STK32B: variants seen among roughly 807,000 people sequenced by gnomAD.
STK32B encodes the protein serine/threonine kinase 32B, also known as serine/threonine-protein kinase 32B.
Under a neutral mutation model 52.6 loss-of-function variants are expected in STK32B, and 43 were observed. That is an observed-to-expected ratio of 0.82 (90% CI 0.64 to 1.05). The LOEUF is 1.05. STK32B is among the 50% of genes least tolerant of loss of function. The pLI, the probability that STK32B is intolerant of heterozygous loss-of-function variation, is 0.00. For synonymous variants in STK32B, 238 were observed against 204.3 expected (o/e 1.17, Z -1.41); for missense variants, 621 against 534.6 (o/e 1.16, Z -1.59).
intron 3 of STK32B, among the ~76,000 whole-genome samples, chr4:5,310,652 A>C (rs944836877): frequency 6.6e-6 from 1 of 152,188 alleles, no homozygotes; most frequent in African/African-American, 2.4e-5. Context: ...ATAGAAAAAA[A>C]ATGAACTATC....
intron 3 of STK32B, among the ~76,000 whole-genome samples, chr4:5,309,446 A>T (rs1730144977): frequency 6.6e-6 from 1 of 152,226 alleles, no homozygotes; most frequent in South Asian, 2.1e-4. Context: ...CTGAGCAAAA[A>T]GAACAAGGTT....
At chr4:5,307,563 T>G (rs1435082436) in intron 3 of STK32B, among the ~76,000 whole-genome samples, 1 of 151,890 alleles carries the variant, frequency 6.6e-6, no homozygotes, top group Non-Finnish European at 1.5e-5. Context: ...TTTTTTTTTT[T>G]TAGGTTGAAC....
chr4:5,419,924 T>C (rs886925520), intron 6 of STK32B, among the ~76,000 whole-genome samples: 1 of 152,224 alleles, frequency 6.6e-6, no homozygotes, highest in Non-Finnish European at 1.5e-5. Flanking sequence ...GTATAAATAA[T>C]AGGCAACTTG....
chr4:5,367,829 C>T (rs962565141), intron 4 of STK32B, among the ~76,000 whole-genome samples: 3 of 152,156 alleles, frequency 2.0e-5, no homozygotes, highest in African/African-American at 7.2e-5. Context: ...TTCCAGAAAA[C>T]TTTAATAATT....
intron 3 of STK32B, among the ~76,000 whole-genome samples, chr4:5,195,174 A>C (rs1278716588): frequency 6.6e-6 from 1 of 152,158 alleles, no homozygotes; most frequent in Non-Finnish European, 1.5e-5. Context: ...TCCTGGGCTC[A>C]AGCAGTCCTC....
At chr4:5,111,287 A>G (rs765903689) in intron 1 of STK32B, among the ~76,000 whole-genome samples, 6 of 152,186 alleles carry the variant, frequency 3.9e-5, no homozygotes, top group Non-Finnish European at 8.8e-5. Flanking sequence ...AAAATAAATT[A>G]TTACACAAAA....
At chr4:5,218,034 G>A (rs1330525082) in intron 3 of STK32B, among the ~76,000 whole-genome samples, 1 of 152,030 alleles carries the variant, frequency 6.6e-6, no homozygotes, top group South Asian at 2.1e-4. Flanking sequence ...TTTCCTGTAT[G>A]ATGTATCAGT....
Position 5,101,144 on chromosome 4 carries a change from A to G in STK32B, c.53-38761A>G, listed in dbSNP as rs538431817. ...AGCTGCTCTCAAACTCCTGCCCTCA[A>G]GCAATGCTCCTGCCTCAGCCTCCCA... On this transcript the variant is annotated intron_variant, in intron 1 of 11. Coordinates refer to ENST00000282908, the MANE Select transcript of STK32B (RefSeq NM_018401.3). Among the ~76,000 whole-genome samples, 6 of 152,286 alleles carry G rather than the reference A, an allele frequency of 3.9e-5. No individual in the cohort carries two copies. In the East Asian group the frequency reaches 1.2e-3, roughly 29 times the overall value.
intron 3 of STK32B, among the ~76,000 whole-genome samples, chr4:5,278,827 A>G (rs2108867580): frequency 6.6e-6 from 1 of 152,278 alleles, no homozygotes; most frequent in East Asian, 1.9e-4. Flanking sequence ...GGAAGCAGGA[A>G]CAATCTTCAC....
intron 11 of STK32B, among the ~76,000 whole-genome samples, chr4:5,483,843 G>A (rs1201969783): frequency 6.6e-6 from 1 of 152,034 alleles, no homozygotes; most frequent in South Asian, 2.1e-4. Context: ...ATTTCGTTGT[G>A]TACCCAGCAG....
intron 3 of STK32B, among the ~76,000 whole-genome samples, chr4:5,262,494 G>A (rs940190896): frequency 1.3e-5 from 2 of 151,786 alleles, no homozygotes; most frequent in Non-Finnish European, 2.9e-5. Flanking sequence ...CCGTGGTGGC[G>A]GGCGCCTGTA....
chr4:5,450,775 G>T (rs935466493), intron 7 of STK32B, among the ~76,000 whole-genome samples: 1 of 152,182 alleles, frequency 6.6e-6, no homozygotes, highest in Non-Finnish European at 1.5e-5. Flanking sequence ...ATGAATGGCT[G>T]GCACTCAGGA....
intron 3 of STK32B, among the ~76,000 whole-genome samples, chr4:5,322,046 T>C (rs1194487522): frequency 1.2e-5 from 1 of 82,786 alleles, no homozygotes; most frequent in African/African-American, 5.4e-5. Flanking sequence ...GGTGGGGGGT[T>C]GGGCTGGCTG....
intron 1 of STK32B, among the ~76,000 whole-genome samples, chr4:5,096,328 T>C (rs1713390052): frequency 6.6e-6 from 1 of 152,162 alleles, no homozygotes; most frequent in Non-Finnish European, 1.5e-5. Flanking sequence ...TAATAAAATA[T>C]TCTCTCCTCT....
In STK32B at chr4:5,317,260, A is replaced by AT. The variant is rs1334093131; in HGVS notation, c.261-13960_261-13959insT. 9.0e-5 allele frequency among the ~76,000 whole-genome samples: 3 copies of AT among 33,384 alleles called. 1 individual carries two copies. Among genetic ancestry groups the AT allele is most frequent in the African/African-American group, 6.1e-4 (3 of 4,922 alleles). The allele number at this position is 33,384 out of a possible 152,430, so 21.9% of individuals were successfully genotyped here. On this transcript the variant is annotated intron_variant, in intron 3 of 11. Coordinates refer to ENST00000282908, the MANE Select transcript of STK32B (RefSeq NM_018401.3). ...ATATATATATTATATATAACATATAACATATATATAATATATAACATATAA... is the reference window on the plus strand; with the variant it reads ...ATATATATATTATATATAACATATAATCATATATATAATATATAACATATAA...
At chr4:5,267,568 A>G (rs79275126) in intron 3 of STK32B, among the ~76,000 whole-genome samples, 87 of 152,292 alleles carry the variant, frequency 5.7e-4, no homozygotes, top group African/African-American at 1.9e-3. Context: ...CAGTAAATTA[A>G]GTGACTCGCC....
At chr4:5,108,579 G>C (rs967092567) in intron 1 of STK32B, among the ~76,000 whole-genome samples, 11 of 152,124 alleles carry the variant, frequency 7.2e-5, no homozygotes, top group Admixed American at 1.3e-4. Context: ...CTCCATTGAG[G>C]CCATCAGAAC....
At chr4:5,148,179 G>T (rs1717063855) in intron 2 of STK32B, among the ~76,000 whole-genome samples, 1 of 151,642 alleles carries the variant, frequency 6.6e-6, no homozygotes, top group South Asian at 2.1e-4. Context: ...AAATTTGTTG[G>T]CACAAAGTAA....
At chr4:5,392,563 CAGAG>C (rs755956004) in intron 4 of STK32B, among the ~76,000 whole-genome samples, 1 of 152,138 alleles carries the variant, frequency 6.6e-6, no homozygotes, top group Non-Finnish European at 1.5e-5. Flanking sequence ...TCCCCACCCA[CAGAG>C]AGAGAACATT....
Sources: gnomAD v4.1 joint callset for allele counts (sites outside exome capture counted in the v4.1 genomes callset) on GRCh38, gnomAD v4.1.1 for gene constraint, MANE v1.5 for transcripts, NCBI Gene and HGNC (gene_info 2026-07-23, HGNC 2026-07-21) for gene names.